Variants in THSD7B observed in about 807,000 individuals in gnomAD.
The protein encoded by THSD7B is thrombospondin type-1 domain-containing protein 7B.
A neutral mutation model predicts 213.6 loss-of-function variants in THSD7B; 138 were observed. The observed-to-expected ratio is 0.65, with a 90% CI of 0.56 to 0.74. THSD7B has a LOEUF of 0.74. THSD7B is among the 30% of genes least tolerant of loss of function. THSD7B has a pLI of 0.00. For missense variants in THSD7B, 1,931 were observed against 1,991.5 expected, an observed-to-expected ratio of 0.97 and a Z score of 0.58; for synonymous variants, 742 against 687.0, an observed-to-expected ratio of 1.08 and a Z score of -1.25.
At chr2:136,873,224 C>T (rs1683470357) in intron 1 of THSD7B, among the ~76,000 whole-genome samples, 1 of 152,084 alleles carries the variant, frequency 6.6e-6, no homozygotes, top group African/African-American at 2.4e-5. Context: ...TCTGTGACTT[C>T]ATTACATGAC....
At chr2:137,215,509 A>G (rs776913464) in intron 7 of THSD7B, among the ~76,000 whole-genome samples, 2 of 152,154 alleles carry the variant, frequency 1.3e-5, no homozygotes, top group Non-Finnish European at 1.5e-5. Context: ...TGGCCTGGAG[A>G]GCTCTGCATG....
chr2:136,825,514 T>C (rs1388106532), intron 1 of THSD7B, among the ~76,000 whole-genome samples: 1 of 152,030 alleles, frequency 6.6e-6, no homozygotes, highest in Non-Finnish European at 1.5e-5. Flanking sequence ...CTTCCAGTTT[T>C]TCTTCTTTTC....
At chr2:137,234,280 T>G (rs1206193481) in intron 9 of THSD7B, among the ~76,000 whole-genome samples, 2 of 152,192 alleles carry the variant, frequency 1.3e-5, no homozygotes, top group African/African-American at 4.8e-5. Flanking sequence ...CTAATTCAAT[T>G]TAATTTGTGT....
At chr2:137,259,055 T>C (rs896736180) in intron 10 of THSD7B, among the ~76,000 whole-genome samples, 9 of 152,208 alleles carry the variant, frequency 5.9e-5, no homozygotes, top group African/African-American at 2.2e-4. Context: ...ATGGTGTATA[T>C]GTGCCACATT....
At chr2:137,072,022 A>T (rs1161711577) in intron 3 of THSD7B, among the ~76,000 whole-genome samples, 1 of 152,166 alleles carries the variant, frequency 6.6e-6, no homozygotes, top group Admixed American at 6.5e-5. Flanking sequence ...CTTGTAGTAT[A>T]GTTTGAAGTC....
chr2:137,446,306 T>G (rs1266516475), intron 14 of THSD7B, among the ~76,000 whole-genome samples: 1 of 152,084 alleles, frequency 6.6e-6, no homozygotes, highest in Non-Finnish European at 1.5e-5. Context: ...GTTGTATTAA[T>G]GAGTCCACCT....
At chr2:136,999,778 G>C (rs1344366122) in intron 2 of THSD7B, among the ~76,000 whole-genome samples, 1 of 152,088 alleles carries the variant, frequency 6.6e-6, no homozygotes, top group Admixed American at 6.6e-5. Flanking sequence ...AGCCCAGCTG[G>C]AAAGTAATTT....
chr2:137,669,675 G>C lies in THSD7B; in HGVS notation c.4739+1814G>C, dbSNP rs569022676. ...CAATCAGTAGGCCAACCCAGTGTAA[G>C]GTAATTAGATAGTCTATCGGTCTAT... On this transcript the variant is annotated intron_variant, in intron 27 of 27. Transcript: ENST00000409968. 7.2e-5 allele frequency among the ~76,000 whole-genome samples: 11 copies of C among 152,172 alleles called. 1 individual carries two copies. Among genetic ancestry groups the C allele is most frequent in the Admixed American group, 5.2e-4 (8 of 15,306 alleles).
chr2:137,020,377 C>T (rs1686420313), intron 2 of THSD7B, among the ~76,000 whole-genome samples: 1 of 152,174 alleles, frequency 6.6e-6, no homozygotes, highest in Non-Finnish European at 1.5e-5. Context: ...AGACTATTGA[C>T]TTCTTTCCAG....
At chr2:137,656,691 C>G (rs1321567519) in intron 22 of THSD7B, 105 bp from the exon 23 acceptor site, 2 of 1,042,454 alleles carry the variant, frequency 1.9e-6, no homozygotes, top group African/African-American at 3.2e-5. Context: ...GTATCAGGAA[C>G]TGCATGTATC....
At chr2:137,159,548 A>G (rs2104983514) in intron 5 of THSD7B, among the ~76,000 whole-genome samples, 2 of 152,240 alleles carry the variant, frequency 1.3e-5, no homozygotes, top group East Asian at 3.9e-4. Context: ...GGTTGCTGCG[A>G]CCTGAAGTGA....
chr2:137,031,678 T>G (rs1249748431), intron 2 of THSD7B, among the ~76,000 whole-genome samples: 1 of 100,370 alleles, frequency 1.0e-5, no homozygotes, highest in Non-Finnish European at 2.6e-5. Context: ...CATAACAACA[T>G]GTATTTGACA....
chr2:137,327,049 C>T (rs1684387857), intron 12 of THSD7B, among the ~76,000 whole-genome samples: 1 of 152,166 alleles, frequency 6.6e-6, no homozygotes, highest in Non-Finnish European at 1.5e-5. Context: ...AGTTTTATTT[C>T]TATTTGACTA....
In THSD7B at chr2:137,451,615, A is replaced by G. The variant is rs540707567; in HGVS notation, c.3138+592A>G. Among the ~76,000 whole-genome samples, 258 of 152,184 alleles carry G rather than the reference A, an allele frequency of 1.7e-3. 2 individuals are homozygous for G. Among genetic ancestry groups the G allele is most frequent in the Middle Eastern group, 0.01 (3 of 290 alleles). Reference sequence around the variant, plus strand: ...AACCATGATAGATCCCTTTCCATATACATGTCTAATGAAATTGCCATCCTA... The same window carrying G: ...AACCATGATAGATCCCTTTCCATATGCATGTCTAATGAAATTGCCATCCTA... On this transcript the variant is annotated intron_variant, in intron 15 of 27. Coordinates refer to ENST00000409968, the MANE Select transcript of THSD7B (RefSeq NM_001316349.2).
intron 15 of THSD7B, among the ~76,000 whole-genome samples, chr2:137,458,880 G>A (rs1056422577): frequency 3.3e-5 from 5 of 151,922 alleles, no homozygotes; most frequent in Admixed American, 2.6e-4. Flanking sequence ...TTGCACCCAC[G>A]CTTTCCCATA....
At chr2:136,848,435 C>T (rs180757731) in intron 1 of THSD7B, among the ~76,000 whole-genome samples, 2 of 151,796 alleles carry the variant, frequency 1.3e-5, no homozygotes, top group African/African-American at 4.8e-5. Flanking sequence ...CACATTCTGA[C>T]AGCCAGTGAT....
intron 4 of THSD7B, among the ~76,000 whole-genome samples, chr2:137,107,575 C>T (rs942512542): frequency 7.2e-5 from 11 of 152,096 alleles, no homozygotes; most frequent in African/African-American, 2.4e-4. Context: ...CTGGATTCTC[C>T]AGGTACTGTT....
Position 137,463,213 on chromosome 2 carries a change from G to A in THSD7B, c.3138+12190G>A, listed in dbSNP as rs139720454. ...AGACAGCAAGGACCATGTAGCGTAA[G>A]CCAGGGGGCAACTACAACACAAAGA... is the stretch of plus-strand genomic sequence containing the variant. On this transcript the variant is annotated intron_variant, in intron 15 of 27. Coordinates refer to ENST00000409968, the MANE Select transcript of THSD7B (RefSeq NM_001316349.2). Among the ~76,000 whole-genome samples the A allele has an allele frequency of 6.4e-4, 97 of 152,210 alleles. 1 individual carries two copies. Among genetic ancestry groups the A allele is most frequent in the African/African-American group, 2.3e-3 (94 of 41,580 alleles).
intron 26 of THSD7B, among the ~76,000 whole-genome samples, chr2:137,667,572 T>A (rs1683473382): frequency 1.3e-5 from 2 of 152,214 alleles, no homozygotes; most frequent in South Asian, 4.1e-4. Flanking sequence ...ATCTTTTTAA[T>A]TCCTGATTAT....
Sources: gnomAD v4.1 joint callset for allele counts (sites outside exome capture counted in the v4.1 genomes callset) on GRCh38, gnomAD v4.1.1 for gene constraint, MANE v1.5 for transcripts, NCBI Gene and HGNC (gene_info 2026-07-23, HGNC 2026-07-21) for gene names.